Variants in UGT2A3 observed in about 807,000 individuals in gnomAD.
UGT2A3 encodes the protein UDP-glucuronosyltransferase 2A3.
A neutral mutation model predicts 44.1 loss-of-function variants in UGT2A3; 55 were observed. The observed-to-expected ratio is 1.25, with a 90% CI of 1.00 to 1.56. UGT2A3 has a LOEUF of 1.56. Ranked by LOEUF, UGT2A3 falls within the 40% of genes most tolerant of loss-of-function variation. The probability of loss-of-function intolerance (pLI) is 0.00; values close to 1 mark genes in which losing one functional copy is unlikely to be tolerated. For synonymous variants in UGT2A3, 243 were observed against 215.1 expected (o/e 1.13, Z -1.13); for missense variants, 733 against 621.6 (o/e 1.18, Z -1.91).
Position 68,931,189 on chromosome 4 carries a change from C to A in UGT2A3, c.1050G>T (p.Arg350=). 6.2e-7 allele frequency: 1 copy of A among 1,613,046 alleles called. No homozygotes were observed. ...KKPSTLGANT[R]LYDWIPQNDL... ...CATTCTGGGGTATCCAATCATACAG[C>A]CGAGTATTGGCTCCTAATGTGGATG... Residue 350 remains arginine, a synonymous_variant, in exon 4 of 6, where the codon CGG becomes CGT. Coordinates refer to ENST00000251566, the MANE Select transcript of UGT2A3 (RefSeq NM_024743.4).
intron 1 of UGT2A3, among the ~76,000 whole-genome samples, chr4:68,949,941 GC>G (rs1206912435): frequency 6.6e-6 from 1 of 151,780 alleles, no homozygotes; most frequent in Non-Finnish European, 1.5e-5. Flanking sequence ...TGAATGCATG[GC>G]CAGAACCCAC....
intron 2 of UGT2A3, 123 bp from the exon 3 acceptor site, chr4:68,932,882 A>G (rs1288930120): frequency 2.1e-6 from 2 of 955,820 alleles, no homozygotes; most frequent in South Asian, 1.8e-5. Flanking sequence ...TTCTGTCCCT[A>G]TATGCTGACA....
intron 1 of UGT2A3, among the ~76,000 whole-genome samples, chr4:68,948,267 A>T (rs1448761573): frequency 2.0e-5 from 3 of 151,358 alleles, no homozygotes; most frequent in Non-Finnish European, 4.4e-5. Context: ...ATTCCTGTAA[A>T]CCTCATTAGT....
chr4:68,947,407 C>A (rs953872891), intron 1 of UGT2A3, among the ~76,000 whole-genome samples: 3 of 151,608 alleles, frequency 2.0e-5, no homozygotes, highest in South Asian at 2.1e-4. Flanking sequence ...TTTAGACAAA[C>A]CTTCAGGCCC....
chr4:68,943,763 C>T (rs565655320), intron 2 of UGT2A3, among the ~76,000 whole-genome samples: 1 of 151,876 alleles, frequency 6.6e-6, no homozygotes, highest in Admixed American at 6.6e-5. Context: ...TCCTGGTAAC[C>T]ACCCTATAGG....
intron 2 of UGT2A3, among the ~76,000 whole-genome samples, chr4:68,940,577 T>C (rs2109787615): frequency 6.6e-6 from 1 of 151,848 alleles, no homozygotes; most frequent in Admixed American, 6.6e-5. Flanking sequence ...GGGATAGCAT[T>C]AGGAGAAATA....
At chr4:68,950,665 C>A (rs1303686746) in intron 1 of UGT2A3, among the ~76,000 whole-genome samples, 1 of 151,574 alleles carries the variant, frequency 6.6e-6, no homozygotes, top group East Asian at 1.9e-4. Context: ...AAAATTAATT[C>A]AAAGAAGACC....
intron 1 of UGT2A3, among the ~76,000 whole-genome samples, chr4:68,947,135 T>C (rs966674893): frequency 6.6e-6 from 1 of 151,768 alleles, no homozygotes; most frequent in Non-Finnish European, 1.5e-5. Flanking sequence ...CATATGATGA[T>C]GTTTCACAGC....
chr4:68,950,087 C>A (rs1264576980), intron 1 of UGT2A3, among the ~76,000 whole-genome samples: 1 of 151,758 alleles, frequency 6.6e-6, no homozygotes, highest in South Asian at 2.1e-4. Flanking sequence ...ATAGCTGTAC[C>A]CCTTTAAATT....
intron 3 of UGT2A3, 140 bp from the exon 4 acceptor site, chr4:68,931,382 G>A: frequency 1.8e-6 from 1 of 558,012 alleles, no homozygotes; most frequent in Non-Finnish European, 3.0e-6. Context: ...ACCGCGTAAA[G>A]ACTGAAAGAT....
At chr4:68,938,022 T>A (rs937276007) in intron 2 of UGT2A3, among the ~76,000 whole-genome samples, 3 of 151,988 alleles carry the variant, frequency 2.0e-5, no homozygotes, top group African/African-American at 7.2e-5. Flanking sequence ...AAAATTTGAA[T>A]CTCTGAATGG....
chr4:68,938,940 C>G (rs1718075636), intron 2 of UGT2A3, among the ~76,000 whole-genome samples: 1 of 152,106 alleles, frequency 6.6e-6, no homozygotes, highest in South Asian at 2.1e-4. Context: ...ATTGAACTGT[C>G]ATTCACAATT....
intron 2 of UGT2A3, among the ~76,000 whole-genome samples, chr4:68,934,189 A>G (rs1717850328): frequency 6.6e-6 from 1 of 152,012 alleles, no homozygotes; most frequent in Non-Finnish European, 1.5e-5. Flanking sequence ...CACATAAACT[A>G]TAAATAAAAA....
intron 1 of UGT2A3, among the ~76,000 whole-genome samples, chr4:68,950,013 T>G (rs1718521642): frequency 6.6e-6 from 1 of 151,826 alleles, no homozygotes; most frequent in African/African-American, 2.4e-5. Flanking sequence ...TATTTTAAAT[T>G]TCAATCTTGT....
intron 3 of UGT2A3, among the ~76,000 whole-genome samples, chr4:68,931,987 G>T (rs187377014): frequency 5.5e-4 from 83 of 151,934 alleles, no homozygotes; most frequent in South Asian, 2.7e-3. Flanking sequence ...AAGTATTTTA[G>T]CTAAATATAA....
intron 3 of UGT2A3, 90 bp downstream of exon 3, chr4:68,932,538 C>G (rs1309338788): frequency 9.4e-6 from 14 of 1,482,166 alleles, no homozygotes; most frequent in Non-Finnish European, 1.3e-5. Context: ...ACCTGTTATG[C>G]TAAGTGGAAA....
chr4:68,932,330 C>A (rs1717766935), intron 3 of UGT2A3, among the ~76,000 whole-genome samples: 1 of 150,656 alleles, frequency 6.6e-6, no homozygotes, highest in Admixed American at 6.6e-5. Context: ...TAATAGATGT[C>A]AGAATTTTTT....
intron 2 of UGT2A3, among the ~76,000 whole-genome samples, chr4:68,939,421 C>G (rs539711470): frequency 6.6e-6 from 1 of 152,114 alleles, no homozygotes; most frequent in African/African-American, 2.4e-5. Context: ...TGATCTTTGA[C>G]AAATCTGACA....
At chr4:68,937,925 A>G (rs367667970) in intron 2 of UGT2A3, among the ~76,000 whole-genome samples, 1 of 152,304 alleles carries the variant, frequency 6.6e-6, no homozygotes, top group East Asian at 1.9e-4. Context: ...AGAGAATATT[A>G]TAAACACCTG....
Sources: gnomAD v4.1 joint callset for allele counts (sites outside exome capture counted in the v4.1 genomes callset) on GRCh38, gnomAD v4.1.1 for gene constraint, MANE v1.5 for transcripts, NCBI Gene and HGNC (gene_info 2026-07-23, HGNC 2026-07-21) for gene names.